WDR36: variants seen among roughly 807,000 people sequenced by gnomAD.
The protein encoded by WDR36 is WD repeat domain 36.
A neutral mutation model predicts 112.7 loss-of-function variants in WDR36; 63 were observed. That is an observed-to-expected ratio of 0.56 (90% CI 0.46 to 0.69). The LOEUF is 0.69. Among genes scored for constraint, WDR36 ranks in the 30% least tolerant of loss-of-function variants. WDR36 has a pLI of 0.00. For synonymous variants in WDR36, 410 were observed against 362.2 expected, an observed-to-expected ratio of 1.13 and a Z score of -1.50; for missense variants, 1,226 against 1,070.3, an observed-to-expected ratio of 1.15 and a Z score of -2.03.
intron 2 of WDR36, 107 bp downstream of exon 2, chr5:111,095,054 G>C: frequency 9.5e-7 from 1 of 1,051,662 alleles, no homozygotes; most frequent in Non-Finnish European, 1.4e-6. Flanking sequence ...TAACATGTAT[G>C]TCTTATAAAC....
chr5:111,096,860 C>G, intron 2 of WDR36: 1 of 425,190 alleles, frequency 2.4e-6, no homozygotes, highest in South Asian at 3.2e-5. Flanking sequence ...CCTAGACATT[C>G]TCTTAGGGAA....
chr5:111,130,294 C>T lies in WDR36; in HGVS notation c.*3411C>T. 1 of 195,936 alleles carries T rather than the reference C, an allele frequency of 5.1e-6. No homozygotes were observed. Among genetic ancestry groups the T allele is most frequent in the African/African-American group, 2.3e-5 (1 of 43,232 alleles). The allele number at this position is 195,936 out of a possible 1,614,324, so 12.1% of individuals were successfully genotyped here. On this transcript the variant is annotated 3_prime_UTR_variant, in exon 23 of 23. Coordinates refer to ENST00000513710, the MANE Select transcript of WDR36 (RefSeq NM_139281.3). ...CCTTGTATTTGAGGGTTTTGCATCC[C>T]TCAAATACCATATGTTTTATTTGTG...
At chr5:111,115,807 A>C (rs981349071) in intron 16 of WDR36, among the ~76,000 whole-genome samples, 3 of 152,146 alleles carry the variant, frequency 2.0e-5, no homozygotes, top group Non-Finnish European at 2.9e-5. Flanking sequence ...TAAAGTGGTG[A>C]AACATTTTTT....
At chr5:111,122,930 T>G (rs901244293) in intron 19 of WDR36, among the ~76,000 whole-genome samples, 3 of 152,216 alleles carry the variant, frequency 2.0e-5, no homozygotes, top group South Asian at 2.1e-4. Flanking sequence ...GTCAACATGG[T>G]GAAACCCCAT....
intron 3 of WDR36, among the ~76,000 whole-genome samples, chr5:111,098,233 A>G (rs1347950861): frequency 1.3e-5 from 2 of 152,166 alleles, no homozygotes; most frequent in Non-Finnish European, 2.9e-5. Context: ...AGAAGGGGCT[A>G]TACTTATGGA....
chr5:111,121,943 T>TA (rs1219644411), intron 19 of WDR36, among the ~76,000 whole-genome samples: 5 of 152,194 alleles, frequency 3.3e-5, no homozygotes, highest in Non-Finnish European at 7.4e-5. Context: ...TGGGCTGTGG[T>TA]AAAAAGTTTA....
chr5:111,110,141 A>G (rs1753296964), intron 12 of WDR36, 48 bp from the exon 13 acceptor site: 5 of 1,314,816 alleles, frequency 3.8e-6, no homozygotes, highest in Non-Finnish European at 5.5e-6. Flanking sequence ...CATAAAGTGC[A>G]ATAAAAATGT....
In WDR36 at chr5:111,127,046, G is replaced by T. The variant is rs996028320; in HGVS notation, c.*163G>T. Reference sequence around the variant, plus strand: ...CTAAATACTTTCTTGAAATAAAATCGCACCTCCCGGCCAGGCATGATGGAT... The same window carrying T: ...CTAAATACTTTCTTGAAATAAAATCTCACCTCCCGGCCAGGCATGATGGAT... On this transcript the variant is annotated 3_prime_UTR_variant, in exon 23 of 23. Transcript: ENST00000513710. 7.4e-6 allele frequency: 5 copies of T among 678,570 alleles called. No individual in the cohort carries two copies. Among genetic ancestry groups the T allele is most frequent in the Middle Eastern group, 4.3e-4 (1 of 2,334 alleles). 42.0% of individuals were successfully genotyped at this position (678,570 alleles called of 1,614,324 possible).
In WDR36 at chr5:111,125,591, A is replaced by T. The variant is rs1215165074; in HGVS notation, c.2351-17A>T. On this transcript the variant is annotated splice_polypyrimidine_tract_variant and intron_variant, in intron 21 of 22. Coordinates refer to ENST00000513710, the MANE Select transcript of WDR36 (RefSeq NM_139281.3). ...ATGATTATAATCAAGTCATAACTGG[A>T]TTAAAATTTAATGCAGATGACACTG... The T allele has an allele frequency of 6.2e-7, 1 of 1,609,682 alleles. No homozygotes were observed. The highest frequency in any genetic ancestry group is 2.2e-5 in the East Asian group (1 of 44,600).
chr5:111,119,711 T>C (rs1173990855), intron 17 of WDR36, among the ~76,000 whole-genome samples: 1 of 152,104 alleles, frequency 6.6e-6, no homozygotes, highest in African/African-American at 2.4e-5. Context: ...AAAAATTGAT[T>C]TTTTATAAAA....
At chr5:111,104,529 G>T (rs953881127) in intron 8 of WDR36, among the ~76,000 whole-genome samples, 168 bp from the exon 9 acceptor site, 1 of 151,654 alleles carries the variant, frequency 6.6e-6, no homozygotes, top group African/African-American at 2.4e-5. Context: ...AAGCGGGAAA[G>T]AATTACAGTT....
chr5:111,101,577 G>A (rs550573525), intron 5 of WDR36, among the ~76,000 whole-genome samples: 2 of 151,904 alleles, frequency 1.3e-5, no homozygotes, highest in East Asian at 3.9e-4. Flanking sequence ...TATCCATTAT[G>A]TAAACATTTA....
Position 111,103,898 on chromosome 5 carries a change from C to T in WDR36, c.710C>T (p.Thr237Ile). The change falls in exon 7 of 23, where the codon ACT becomes ATT. Residue 237 changes from threonine (T) to isoleucine (I), a missense_variant. Thr to Ile is a moderately conservative substitution (Grantham distance 89). Transcript: ENST00000513710. ...TTTCGTCAAGACTGGGGACCCATTA[C>T]TTCAATTTCATTTCGCACAGGTAAC... ...MKFRQDWGPI[T>I]SISFRTDGHP... The T allele has an allele frequency of 6.2e-7, 1 of 1,611,138 alleles. No individual in the cohort carries two copies. Among genetic ancestry groups the T allele is most frequent in the Non-Finnish European group, 8.5e-7 (1 of 1,178,156 alleles).
chr5:111,100,984 CATTAT>C (rs2112568879), intron 5 of WDR36, among the ~76,000 whole-genome samples: 1 of 152,040 alleles, frequency 6.6e-6, no homozygotes, highest in Non-Finnish European at 1.5e-5. Flanking sequence ...ATAGTATTTA[CATTAT>C]ATTAGGTCTT....
At chr5:111,092,726 C>G (rs756273269) in intron 1 of WDR36, 108 bp downstream of exon 1, 3 of 1,264,638 alleles carry the variant, frequency 2.4e-6, no homozygotes, top group Non-Finnish European at 3.3e-6. Context: ...GGCTTCCCTT[C>G]TTTAACCCCT....
At chr5:111,102,461 G>A in intron 6 of WDR36, 62 bp downstream of exon 6, 1 of 1,492,706 alleles carries the variant, frequency 6.7e-7, no homozygotes, top group Non-Finnish European at 9.3e-7. Flanking sequence ...TTCAGTTTCA[G>A]GAATCAATCA....
In WDR36 at chr5:111,128,602, A is replaced by G. The variant is rs1753723103; in HGVS notation, c.*1719A>G. 1 of 180,290 alleles carries G rather than the reference A, an allele frequency of 5.5e-6. No individual in the cohort carries two copies. The highest frequency in any genetic ancestry group is 1.2e-5 in the Non-Finnish European group (1 of 84,086). The allele number at this position is 180,290 out of a possible 1,614,324, so 11.2% of individuals were successfully genotyped here. On this transcript the variant is annotated 3_prime_UTR_variant, in exon 23 of 23. Coordinates refer to ENST00000513710, the MANE Select transcript of WDR36 (RefSeq NM_139281.3). ...GATAAGAGCTGTGAACTGAAATTGTATTGCTTACAGAAATCATGAACCGAA... is the reference window on the plus strand; with the variant it reads ...GATAAGAGCTGTGAACTGAAATTGTGTTGCTTACAGAAATCATGAACCGAA...
At chr5:111,126,616 C>G in intron 22 of WDR36, 118 bp from the exon 23 acceptor site, 1 of 1,184,490 alleles carries the variant, frequency 8.4e-7, no homozygotes, top group South Asian at 1.4e-5. Context: ...TAAACCAGCG[C>G]TTAAGAAAAC....
rs886059779 is a variant in WDR36 at position 111,129,106 on chromosome 5, C to T, written c.*2223C>T. 5.0e-6 allele frequency: 1 copy of T among 198,276 alleles called. No homozygotes were observed. The highest frequency in any genetic ancestry group is 6.0e-5 in the Admixed American group (1 of 16,546). 12.3% of individuals were successfully genotyped at this position (198,276 alleles called of 1,614,324 possible). A position where few individuals can be genotyped will look rare whatever the true frequency, so the allele number is the denominator to read the frequency against. Reference sequence around the variant, plus strand: ...TTTGGTACATTCACATTTACCTAATCTCTTGTGCACTGTCCAACAGTACTT... The same window carrying T: ...TTTGGTACATTCACATTTACCTAATTTCTTGTGCACTGTCCAACAGTACTT... On this transcript the variant is annotated 3_prime_UTR_variant, in exon 23 of 23. Transcript: ENST00000513710.
Sources: gnomAD v4.1 joint callset for allele counts (sites outside exome capture counted in the v4.1 genomes callset) on GRCh38, gnomAD v4.1.1 for gene constraint, MANE v1.5 for transcripts, NCBI Gene and HGNC (gene_info 2026-07-23, HGNC 2026-07-21) for gene names.